Variants in INSC observed in about 807,000 individuals in gnomAD.
INSC encodes protein inscuteable homolog.
INSC carries 67 observed loss-of-function variants against 58.6 expected under a neutral mutation model. The ratio of observed to expected loss-of-function variants is 1.14; its 90% CI spans 0.94 to 1.40. The LOEUF is 1.40. Among genes scored for constraint, INSC ranks in the 40% most tolerant of loss-of-function variants. The pLI is 0.00. For synonymous variants in INSC, 262 were observed against 276.1 expected (o/e 0.95, Z 0.51); for missense variants, 714 against 692.0 (o/e 1.03, Z -0.36).
chr11:15,216,123 T>C (rs747884340), intron 7 of INSC, among the ~76,000 whole-genome samples: 3 of 152,184 alleles, frequency 2.0e-5, no homozygotes, highest in Non-Finnish European at 2.9e-5. Context: ...TAAAGCGGGC[T>C]GGCAGCAAAA....
upstream of INSC, among the ~76,000 whole-genome samples, chr11:15,113,145 C>CTTTCTT (rs200716197): frequency 2.2e-5 from 3 of 133,598 alleles, no homozygotes; most frequent in South Asian, 2.5e-4. Context: ...TTCTTTCTTT[C>CTTTCTT]TGTCTCTCTC....
intron 1 of INSC, among the ~76,000 whole-genome samples, chr11:15,129,532 A>T (rs1848076548): frequency 6.6e-6 from 1 of 152,160 alleles, no homozygotes; most frequent in South Asian, 2.1e-4. Flanking sequence ...ATTATCTATT[A>T]ACTTATCTTG....
intron 1 of INSC, among the ~76,000 whole-genome samples, chr11:15,126,171 G>T (rs1894132): frequency 0.58 from 87,402 of 151,960 alleles, 25,289 homozygotes; most frequent in Admixed American, 0.6. Flanking sequence ...AGGCTGAAAC[G>T]AAAATCAGAT....
intron 2 of INSC, among the ~76,000 whole-genome samples, chr11:15,158,696 G>A (rs1288247402): frequency 8.1e-6 from 1 of 123,374 alleles, no homozygotes; most frequent in East Asian, 2.0e-4. Context: ...CCAAACAAAA[G>A]TCTCCTCATC....
intron 2 of INSC, among the ~76,000 whole-genome samples, chr11:15,161,670 A>G (rs1394435155): frequency 6.6e-6 from 1 of 152,236 alleles, no homozygotes; most frequent in Non-Finnish European, 1.5e-5. Context: ...GGCAGGATTT[A>G]CACTTAAAAT....
At chr11:15,177,190 G>A in intron 4 of INSC, 27 bp downstream of exon 4, 2 of 1,605,836 alleles carry the variant, frequency 1.2e-6, no homozygotes, top group Non-Finnish European at 8.5e-7. Flanking sequence ...GATCTCCCAG[G>A]GTCTGCCCAC....
intron 1 of INSC, among the ~76,000 whole-genome samples, chr11:15,146,726 G>T (rs1437617578): frequency 6.6e-6 from 1 of 152,230 alleles, no homozygotes; most frequent in Non-Finnish European, 1.5e-5. Context: ...TTTCTGAAGG[G>T]TTCACAGGTC....
At chr11:15,229,920 A>AT (rs1851782323) in intron 9 of INSC, among the ~76,000 whole-genome samples, 2 of 103,238 alleles carry the variant, frequency 1.9e-5, no homozygotes, top group Non-Finnish European at 3.8e-5. Context: ...ATATATATAA[A>AT]TTTTTTATAT....
At chr11:15,135,900 C>T (rs924552931) in intron 1 of INSC, among the ~76,000 whole-genome samples, 1 of 152,188 alleles carries the variant, frequency 6.6e-6, no homozygotes, top group African/African-American at 2.4e-5. Context: ...AAGCCATTCT[C>T]TTCTCCCATG....
At chr11:15,160,314 T>A (rs1006791036) in intron 2 of INSC, among the ~76,000 whole-genome samples, 4 of 152,134 alleles carry the variant, frequency 2.6e-5, no homozygotes, top group Non-Finnish European at 5.9e-5. Context: ...GGGACCAGCA[T>A]GTGCAAAGCC....
intron 1 of INSC, among the ~76,000 whole-genome samples, chr11:15,137,841 A>T (rs963764060): frequency 4.6e-5 from 7 of 152,030 alleles, no homozygotes; most frequent in African/African-American, 1.7e-4. Flanking sequence ...TCCTTTAAAA[A>T]TTTTTCCTTT....
intron 9 of INSC, among the ~76,000 whole-genome samples, chr11:15,226,331 T>A (rs1851638247): frequency 6.6e-6 from 1 of 152,180 alleles, no homozygotes; most frequent in Admixed American, 6.5e-5. Flanking sequence ...GAACCTTCAT[T>A]CAGGGCCTCA....
At chr11:15,215,492 C>T (rs188177657) in intron 7 of INSC, among the ~76,000 whole-genome samples, 9 of 152,296 alleles carry the variant, frequency 5.9e-5, no homozygotes, top group African/African-American at 2.2e-4. Flanking sequence ...CCCAGAGGCC[C>T]CAATGAGGGA....
intron 2 of INSC, among the ~76,000 whole-genome samples, chr11:15,172,987 G>T (rs1361842145): frequency 6.6e-6 from 1 of 152,194 alleles, no homozygotes; most frequent in Non-Finnish European, 1.5e-5. Flanking sequence ...CATTCTTGGG[G>T]GAATGTGAAG....
chr11:15,139,964 A>T (rs1848330317), intron 1 of INSC, among the ~76,000 whole-genome samples: 1 of 152,182 alleles, frequency 6.6e-6, no homozygotes, highest in Admixed American at 6.5e-5. Flanking sequence ...AGCTCCTCTG[A>T]TGAGTAGCTG....
intron 1 of INSC, among the ~76,000 whole-genome samples, chr11:15,118,779 A>G (rs1237135962): frequency 1.3e-5 from 2 of 152,210 alleles, no homozygotes; most frequent in Non-Finnish European, 2.9e-5. Flanking sequence ...CAGTAAGAGC[A>G]TTGTGTGAGA....
chr11:15,165,802 G>C (rs541519120), intron 2 of INSC, among the ~76,000 whole-genome samples: 24 of 152,222 alleles, frequency 1.6e-4, no homozygotes, highest in African/African-American at 5.3e-4. Context: ...CCAGTGTAAG[G>C]CTGCTAAGGA....
intron 1 of INSC, among the ~76,000 whole-genome samples, chr11:15,138,548 GCTTTGCTT>G (rs1166486600): frequency 6.6e-6 from 1 of 152,122 alleles, no homozygotes; most frequent in African/African-American, 2.4e-5. Context: ...TCTATGGGAC[GCTTTGCTT>G]CTTTCCAACA....
intron 1 of INSC, among the ~76,000 whole-genome samples, chr11:15,117,224 G>C (rs1487521485): frequency 6.6e-6 from 1 of 151,952 alleles, no homozygotes; most frequent in Non-Finnish European, 1.5e-5. Context: ...TAACAGGTGT[G>C]AGCCACCATG....
Sources: gnomAD v4.1 joint callset for allele counts (sites outside exome capture counted in the v4.1 genomes callset) on GRCh38, gnomAD v4.1.1 for gene constraint, MANE v1.5 for transcripts, NCBI Gene and HGNC (gene_info 2026-07-23, HGNC 2026-07-21) for gene names.